ZNF212: variants seen among roughly 807,000 people sequenced by gnomAD.
The protein encoded by ZNF212 is zinc finger protein 212.
Under a neutral mutation model 47.3 loss-of-function variants are expected in ZNF212, and 32 were observed. That is an observed-to-expected ratio of 0.68 (90% CI 0.51 to 0.91). The LOEUF is 0.91. Ranked by LOEUF, ZNF212 falls within the 40% of genes least tolerant of loss-of-function variation. The probability of loss-of-function intolerance (pLI) is 0.00; values close to 1 mark genes in which losing one functional copy is unlikely to be tolerated. For synonymous variants in ZNF212, 242 were observed against 253.8 expected (o/e 0.95, Z 0.44); for missense variants, 555 against 622.8 (o/e 0.89, Z 1.16).
In ZNF212 at chr7:149,250,422, G is replaced by T; in HGVS notation, c.288G>T (p.Val96=). The change falls in exon 2 of 5, where the codon GTG becomes GTT. Residue 96 remains valine (V), a synonymous_variant. Transcript: ENST00000335870. ...ACCAGCTGGAGGGCAAGTGGGCCGT[G>T]CTGGGGACCCTGCTGCAGGAGTATG... ...FGNQLEGKWA[V]LGTLLQEYGL... is the part of the protein sequence containing the mutation. 1 of 1,614,174 alleles carries T rather than the reference G, an allele frequency of 6.2e-7. No homozygotes were observed. The highest frequency in any genetic ancestry group is 8.5e-7 in the Non-Finnish European group (1 of 1,180,034).
At chr7:149,245,553 T>C (rs1304470027) in intron 1 of ZNF212, among the ~76,000 whole-genome samples, 1 of 152,070 alleles carries the variant, frequency 6.6e-6, no homozygotes, top group South Asian at 2.1e-4. Context: ...TCTCTGTCAC[T>C]GGAGGGAAGT....
At chr7:149,250,918 C>T (rs552786498) in intron 3 of ZNF212, 111 bp downstream of exon 3, 12 of 1,426,956 alleles carry the variant, frequency 8.4e-6, no homozygotes, top group East Asian at 2.3e-5. Context: ...GGTCCTCTGT[C>T]GGCCTGCACG....
Position 149,254,476 on chromosome 7 carries a change from A to T in ZNF212, c.*61A>T. 6.6e-7 allele frequency: 1 copy of T among 1,526,202 alleles called. No homozygotes were observed. Among genetic ancestry groups the T allele is most frequent in the Non-Finnish European group, 8.7e-7 (1 of 1,147,290 alleles). 94.5% of individuals were successfully genotyped at this position (1,526,202 alleles called of 1,614,324 possible). ...GGGTGGCATTGGTTCCCCCGAAGAG[A>T]CACTGCAGTCAGGGACTGAGTTCTT... On this transcript the variant is annotated 3_prime_UTR_variant, in exon 5 of 5. Coordinates refer to ENST00000335870, the MANE Select transcript of ZNF212 (RefSeq NM_012256.4). This position sits in a 1 kb window ranked among gnomAD's most constrained non-coding sequence, Gnocchi z 4.5.
At chr7:149,244,653 T>C (rs1168800618) in intron 1 of ZNF212, among the ~76,000 whole-genome samples, 1 of 152,156 alleles carries the variant, frequency 6.6e-6, no homozygotes, top group Admixed American at 6.5e-5. Context: ...CAGTATATAA[T>C]ATCAAAGTGT....
chr7:149,248,828 A>G (rs1285658268), intron 1 of ZNF212, among the ~76,000 whole-genome samples: 2 of 152,318 alleles, frequency 1.3e-5, no homozygotes, highest in Non-Finnish European at 2.9e-5. Context: ...CATGTGTTCC[A>G]TGATGAATTA....
chr7:149,250,582 A>T, intron 2 of ZNF212, 34 bp downstream of exon 2: 2 of 1,603,348 alleles, frequency 1.2e-6, no homozygotes, highest in Non-Finnish European at 1.7e-6. Context: ...TTAGAAGAGA[A>T]GGGGGAGCCA....
Position 149,250,671 on chromosome 7 carries a change from G to T in ZNF212, c.415-10G>T. 6.2e-7 allele frequency: 1 copy of T among 1,614,230 alleles called. No individual in the cohort carries two copies. The highest frequency in any genetic ancestry group is 8.5e-7 in the Non-Finnish European group (1 of 1,180,038). On this transcript the variant is annotated splice_polypyrimidine_tract_variant and intron_variant, in intron 2 of 4. Transcript: ENST00000335870. Reference sequence around the variant, plus strand: ...TAGAAGCACTCATGGTGTGCCATTGGTGATTCCAGGTGTCCAGGTCACTGG... The same window carrying T: ...TAGAAGCACTCATGGTGTGCCATTGTTGATTCCAGGTGTCCAGGTCACTGG...
At chr7:149,240,143 A>G (rs1796566590) in intron 1 of ZNF212, 1 of 276,562 alleles carries the variant, frequency 3.6e-6, no homozygotes, top group Non-Finnish European at 6.7e-6. Flanking sequence ...CAGATTGGAA[A>G]CGGTCTCCGT....
At chr7:149,246,867 C>CA (rs1218550526) in intron 1 of ZNF212, among the ~76,000 whole-genome samples, 1 of 126,316 alleles carries the variant, frequency 7.9e-6, no homozygotes, top group Non-Finnish European at 1.6e-5. Flanking sequence ...GGCTGGAGTA[C>CA]AATGGTGTGA....
At chr7:149,250,907 G>GCAA in intron 3 of ZNF212, 100 bp downstream of exon 3, 1 of 1,529,732 alleles carries the variant, frequency 6.5e-7, no homozygotes. Context: ...CTGTGGCTGT[G>GCAA]GGTCCTCTGT....
chr7:149,246,477 G>T (rs2129524254), intron 1 of ZNF212, among the ~76,000 whole-genome samples: 1 of 152,088 alleles, frequency 6.6e-6, no homozygotes, highest in African/African-American at 2.4e-5. Context: ...CCGCCTGCTG[G>T]GTTCACACCA....
Position 149,250,603 on chromosome 7 carries a change from A to G in ZNF212, c.414+55A>G. On this transcript the variant is annotated intron_variant, in intron 2 of 4. Transcript: ENST00000335870. ...GAGAAGGGGGAGCCAGCCCTTTAAT[A>G]TGTAAGCACCTCAGTTGCTGGCTTT... 3.7e-6 allele frequency: 6 copies of G among 1,607,020 alleles called. No individual in the cohort carries two copies. The South Asian group carries it at 5.5e-5, about 15-fold the overall frequency.
chr7:149,244,385 TC>T (rs1796645799), intron 1 of ZNF212, among the ~76,000 whole-genome samples: 1 of 152,144 alleles, frequency 6.6e-6, no homozygotes, highest in Admixed American at 6.5e-5. Context: ...CGATCTCGGC[TC>T]ACTGCAAGCT....
At position 149,250,012 on chromosome 7, in the gene ZNF212, T is replaced by C. The variant is rs551742519; in HGVS notation, c.25-147T>C. On this transcript the variant is annotated intron_variant, in intron 1 of 4. Coordinates refer to ENST00000335870, the MANE Select transcript of ZNF212 (RefSeq NM_012256.4). ...ATTTTCCAACATTATTAATACAATA[T>C]CTATGTATAATTTTTAGTATCAATA... 2.0e-5 allele frequency: 13 copies of C among 661,776 alleles called. No individual in the cohort carries two copies. In the East Asian group the frequency reaches 4.3e-4, roughly 22 times the overall value. The allele number at this position is 661,776 out of a possible 1,614,324, so 41.0% of individuals were successfully genotyped here. A position where few individuals can be genotyped will look rare whatever the true frequency, so the allele number is the denominator to read the frequency against.
chr7:149,244,101 A>C (rs1455433384), intron 1 of ZNF212, among the ~76,000 whole-genome samples: 1 of 151,850 alleles, frequency 6.6e-6, no homozygotes, highest in Non-Finnish European at 1.5e-5. Flanking sequence ...ACACCCGGCT[A>C]ATTTTGTATT....
chr7:149,248,087 C>G (rs904229325), intron 1 of ZNF212, among the ~76,000 whole-genome samples: 7 of 152,300 alleles, frequency 4.6e-5, no homozygotes, highest in Admixed American at 1.3e-4. Flanking sequence ...CCAATGACAG[C>G]TCACCCCTGT....
chr7:149,254,246 C>G lies in ZNF212; in HGVS notation c.1319C>G (p.Ser440Cys). 1 of 1,614,246 alleles carries G rather than the reference C, an allele frequency of 6.2e-7. No individual in the cohort carries two copies. The highest frequency in any genetic ancestry group is 8.5e-7 in the Non-Finnish European group (1 of 1,180,038). The change falls in exon 5 of 5, where the codon TCT (serine) becomes TGT (cysteine). Residue 440 changes from serine to cysteine, a missense_variant. Transcript: ENST00000335870. The surrounding 1 kb of genome is among the most constrained non-coding windows in gnomAD (Gnocchi z 4.5). ...GYCGKSFSHP[S>C]DLVRHQRIHT... ...TGTGGCAAGAGCTTCAGTCACCCAT[C>G]TGACTTGGTGCGGCACCAGCGCATC...
At chr7:149,252,823 C>G (rs973163303) in intron 4 of ZNF212, 28 bp downstream of exon 4, 16 of 1,605,904 alleles carry the variant, frequency 1.0e-5, no homozygotes, top group Non-Finnish European at 1.3e-5. Context: ...ATTCTGTTCC[C>G]CTTCCATAGC....
rs965861056 is a variant in ZNF212 at position 149,254,626 on chromosome 7, G to A, written c.*211G>A. On this transcript the variant is annotated 3_prime_UTR_variant, in exon 5 of 5. Transcript: ENST00000335870. The surrounding 1 kb of genome is among the most constrained non-coding windows in gnomAD (Gnocchi z 4.5). Reference sequence around the variant, plus strand: ...TCTTCATCCTGCTGCCAAGTTTGCTGTTTCTTGGCACCTTCAGGTCTCTGG... The same window carrying A: ...TCTTCATCCTGCTGCCAAGTTTGCTATTTCTTGGCACCTTCAGGTCTCTGG... 2.9e-5 allele frequency: 20 copies of A among 685,970 alleles called. No homozygotes were observed. Among genetic ancestry groups the A allele is most frequent in the Non-Finnish European group, 4.3e-5 (19 of 445,976 alleles). 42.5% of individuals were successfully genotyped at this position (685,970 alleles called of 1,614,324 possible).
Sources: allele counts gnomAD v4.1 joint callset (sites outside exome capture counted in the v4.1 genomes callset), GRCh38; gene constraint gnomAD v4.1.1; non-coding constraint Gnocchi (gnomAD v3.1); transcripts MANE v1.5; gene names NCBI Gene and HGNC (gene_info 2026-07-23, HGNC 2026-07-21).